CFAP107: variants seen among roughly 807,000 people sequenced by gnomAD.
The protein encoded by CFAP107 is cilia and flagella associated protein 107.
the CFAP107 span, among the ~76,000 whole-genome samples, chr1:12,751,095 A>G: frequency 6.6e-6 from 1 of 152,166 alleles, no homozygotes; most frequent in South Asian, 2.1e-4. Flanking sequence ...AATAGTAATG[A>G]AAATACAACA....
the CFAP107 span, chr1:12,759,302 C>A: frequency 6.2e-7 from 1 of 1,612,918 alleles, no homozygotes. Flanking sequence ...CTGTGTCTGT[C>A]CTTCCAGGGG....
chr1:12,752,563 A>T, the CFAP107 span, among the ~76,000 whole-genome samples: 1 of 148,886 alleles, frequency 6.7e-6, no homozygotes, highest in Non-Finnish European at 1.5e-5. Flanking sequence ...TCTAAAAAAA[A>T]AAAAAAAAAA....
the CFAP107 span, chr1:12,746,617 T>G: frequency 1.9e-6 from 2 of 1,068,094 alleles, no homozygotes; most frequent in Non-Finnish European, 1.4e-6. Context: ...TTCATCACTA[T>G]TTTCAAATGG....
the CFAP107 span, chr1:12,760,937 C>T: frequency 0.21 from 340,102 of 1,611,648 alleles, 36,957 homozygotes; most frequent in Middle Eastern, 0.24. Flanking sequence ...CCTGCATCCT[C>T]TCCCACACTT....
chr1:12,751,987 AAGCCT>A, the CFAP107 span, among the ~76,000 whole-genome samples: 1 of 152,214 alleles, frequency 6.6e-6, no homozygotes. Context: ...CAACAAAGGA[AAGCCT>A]AAGACCAAAT....
chr1:12,749,396 G>C, the CFAP107 span, among the ~76,000 whole-genome samples: 1 of 152,162 alleles, frequency 6.6e-6, no homozygotes, highest in African/African-American at 2.4e-5. Flanking sequence ...TAGATTGCTT[G>C]AGCCCAGGAG....
the CFAP107 span, chr1:12,761,254 C>A: frequency 1.1e-5 from 3 of 269,162 alleles, no homozygotes; most frequent in African/African-American, 4.4e-5. Flanking sequence ...TGTTGTTTCA[C>A]AAGAGGGGAA....
At chr1:12,755,937 C>CTGT in the CFAP107 span, 1 of 647,750 alleles carries the variant, frequency 1.5e-6, no homozygotes, top group Admixed American at 2.9e-5. Context: ...TCATTAATAC[C>CTGT]CTCCCAGCCC....
the CFAP107 span, chr1:12,755,852 C>G: frequency 7.0e-7 from 1 of 1,430,246 alleles, no homozygotes; most frequent in East Asian, 2.3e-5. Context: ...AGGCCTGGAC[C>G]CCACCCAAAG....
At chr1:12,757,196 T>A in the CFAP107 span, among the ~76,000 whole-genome samples, 4 of 152,170 alleles carry the variant, frequency 2.6e-5, no homozygotes, top group African/African-American at 9.7e-5. Context: ...AACATTTAGA[T>A]AGCCTTTGGA....
the CFAP107 span, among the ~76,000 whole-genome samples, chr1:12,750,816 C>A: frequency 6.6e-6 from 1 of 151,510 alleles, no homozygotes; most frequent in Non-Finnish European, 1.5e-5. Context: ...CTGATAGGCA[C>A]TCCACCCAAC....
At chr1:12,757,806 G>A in the CFAP107 span, among the ~76,000 whole-genome samples, 4 of 151,786 alleles carry the variant, frequency 2.6e-5, no homozygotes, top group Non-Finnish European at 5.9e-5. Flanking sequence ...GCTTCATGTT[G>A]CCCTCCTTCT....
At chr1:12,754,092 A>G in the CFAP107 span, among the ~76,000 whole-genome samples, 1 of 152,214 alleles carries the variant, frequency 6.6e-6, no homozygotes, top group African/African-American at 2.4e-5. Flanking sequence ...ATGACAACCA[A>G]TGGAGTAGGA....
the CFAP107 span, among the ~76,000 whole-genome samples, chr1:12,757,377 CTTT>C: frequency 2.2e-5 from 3 of 134,958 alleles, no homozygotes; most frequent in Non-Finnish European, 4.7e-5. Flanking sequence ...CTTTTTTTTC[CTTT>C]TTTTCTTTTC....
the CFAP107 span, among the ~76,000 whole-genome samples, chr1:12,752,726 CAACATAGTAACAA>C: frequency 2.0e-5 from 3 of 151,936 alleles, no homozygotes; most frequent in Non-Finnish European, 1.5e-5. Flanking sequence ...GAAACTGCCT[CAACATAGTAACAA>C]AAACCCACAG....
chr1:12,763,153 T>G, the CFAP107 span: 2 of 152,058 alleles, frequency 1.3e-5, no homozygotes, highest in African/African-American at 4.8e-5. Flanking sequence ...ACCACTGCAC[T>G]CCAGCCTTGG....
the CFAP107 span, chr1:12,763,196 A>G: frequency 6.6e-6 from 1 of 152,042 alleles, no homozygotes; most frequent in Non-Finnish European, 1.5e-5. Flanking sequence ...AAAAACAACA[A>G]CAACAACAAC....
the CFAP107 span, among the ~76,000 whole-genome samples, chr1:12,748,105 T>G: frequency 6.6e-6 from 1 of 152,210 alleles, no homozygotes; most frequent in African/African-American, 2.4e-5. Flanking sequence ...CAGCATAGTC[T>G]GCATTTTAGG....
chr1:12,759,217 C>T, the CFAP107 span: 1 of 1,429,146 alleles, frequency 7.0e-7, no homozygotes, highest in South Asian at 1.3e-5. Context: ...ATCAGCACCA[C>T]AGACCCCTAC....
Sources: gnomAD v4.1 joint callset for allele counts (sites outside exome capture counted in the v4.1 genomes callset) on GRCh38, gnomAD v4.1.1 for gene constraint, MANE v1.5 for transcripts, NCBI Gene and HGNC (gene_info 2026-07-23, HGNC 2026-07-21) for gene names.